PLXNB1: variants seen among roughly 807,000 people sequenced by gnomAD.
The protein encoded by PLXNB1 is plexin-B1.
A neutral mutation model predicts 209.4 loss-of-function variants in PLXNB1; 106 were observed. The observed-to-expected ratio is 0.51, with a 90% CI of 0.43 to 0.59. The LOEUF is 0.59. Among genes scored for constraint, PLXNB1 ranks in the 20% least tolerant of loss-of-function variants. The pLI is 0.00. For missense variants in PLXNB1, 2,357 were observed against 2,853.2 expected, an observed-to-expected ratio of 0.83 and a Z score of 3.96; for synonymous variants, 1,167 against 1,183.2, an observed-to-expected ratio of 0.99 and a Z score of 0.28.
Position 48,413,206 on chromosome 3 carries a change from G to T in PLXNB1, c.4536-37C>A. The T allele has an allele frequency of 1.3e-6, 2 of 1,521,832 alleles. No individual in the cohort carries two copies. Among genetic ancestry groups the T allele is most frequent in the Non-Finnish European group, 1.8e-6 (2 of 1,104,222 alleles). 94.3% of individuals were successfully genotyped at this position (1,521,832 alleles called of 1,614,324 possible). On this transcript the variant is annotated intron_variant, in intron 23 of 37. Coordinates refer to ENST00000296440, the MANE Select transcript of PLXNB1 (RefSeq NM_001130082.3). The surrounding 1 kb of genome is among the most constrained non-coding windows in gnomAD (Gnocchi z 5.4). ...CAGGGTCAGGAGAGGATGGCCAGAT[G>T]AGTCCTACTCGCCCAGGCCTGCCTG...
At position 48,418,774 on chromosome 3, in the gene PLXNB1, G is replaced by A; in HGVS notation, c.2955+143C>T. The A allele has an allele frequency of 9.1e-7, 1 of 1,100,550 alleles. No homozygotes were observed. The highest frequency in any genetic ancestry group is 1.3e-6 in the Non-Finnish European group (1 of 745,884). The allele number at this position is 1,100,550 out of a possible 1,614,324, so 68.2% of individuals were successfully genotyped here. A position where few individuals can be genotyped will look rare whatever the true frequency, so the allele number is the denominator to read the frequency against. Reference sequence around the variant, plus strand: ...GACTCCACGGGGCACATGGTCAGAGGTCAGAAATGGGTGTGGAGACTCCCT... The same window carrying A: ...GACTCCACGGGGCACATGGTCAGAGATCAGAAATGGGTGTGGAGACTCCCT... On this transcript the variant is annotated intron_variant, in intron 13 of 37. Transcript: ENST00000296440. This position sits in a 1 kb window ranked among gnomAD's most constrained non-coding sequence, Gnocchi z 6.6.
At chr3:48,424,892 TC>T (rs1560076835) in intron 2 of PLXNB1, among the ~76,000 whole-genome samples, 1 of 151,174 alleles carries the variant, frequency 6.6e-6, no homozygotes, top group Admixed American at 6.6e-5. Context: ...CCACTCACCA[TC>T]CCCCCAGATC....
chr3:48,412,069 C>T (rs375660378), intron 27 of PLXNB1, 60 bp from the exon 28 acceptor site: 25 of 1,582,946 alleles, frequency 1.6e-5, no homozygotes, highest in African/African-American at 1.2e-4. Flanking sequence ...TGGGACATGA[C>T]GCACACTGGG....
Position 48,418,426 on chromosome 3 carries a change from C to A in PLXNB1, c.3049+23G>T. 6.2e-7 allele frequency: 1 copy of A among 1,613,266 alleles called. No individual in the cohort carries two copies. The highest frequency in any genetic ancestry group is 1.7e-5 in the Admixed American group (1 of 59,990). ...GGAGAGCCCTGCTACCACCGCCAGC[C>A]CAGCAGCCCGCAGGTGGCTCACCAT... On this transcript the variant is annotated intron_variant, in intron 14 of 37. Transcript: ENST00000296440. This position sits in a 1 kb window ranked among gnomAD's most constrained non-coding sequence, Gnocchi z 6.6.
intron 8 of PLXNB1, 44 bp from the exon 9 acceptor site, chr3:48,421,000 G>A (rs770947957): frequency 3.7e-5 from 55 of 1,502,742 alleles, no homozygotes; most frequent in Non-Finnish European, 5.0e-5. Flanking sequence ...GCAAGGAGGT[G>A]CACTCAGACC....
In PLXNB1 at chr3:48,416,180, CAG is replaced by C; in HGVS notation, c.3481-15_3481-14del. 6.3e-7 allele frequency: 1 copy of C among 1,597,838 alleles called. No individual in the cohort carries two copies. The highest frequency in any genetic ancestry group is 8.5e-7 in the Non-Finnish European group (1 of 1,172,322). On this transcript the variant is annotated splice_polypyrimidine_tract_variant and intron_variant, in intron 17 of 37. Transcript: ENST00000296440. This position sits in a 1 kb window ranked among gnomAD's most constrained non-coding sequence, Gnocchi z 4.1. Reference sequence around the variant, plus strand: ...GGACCTTCGGATCCTGTGGGACAGACAGGGAGAGAGATGAGCATCAGACCAGA... The same window carrying C: ...GGACCTTCGGATCCTGTGGGACAGACGGAGAGAGATGAGCATCAGACCAGA...
At chr3:48,423,084 C>T (rs1320053147) in intron 3 of PLXNB1, 137 bp from the exon 4 acceptor site, 1 of 721,506 alleles carries the variant, frequency 1.4e-6, no homozygotes, top group East Asian at 2.7e-5. Context: ...TGCTGGCCCT[C>T]CTGGGACAAT....
In PLXNB1 at chr3:48,419,424, T is replaced by C; in HGVS notation, c.2710-58A>G. On this transcript the variant is annotated intron_variant, in intron 11 of 37. Coordinates refer to ENST00000296440, the MANE Select transcript of PLXNB1 (RefSeq NM_001130082.3). This position sits in a 1 kb window ranked among gnomAD's most constrained non-coding sequence, Gnocchi z 5.7. The stretch of plus-strand genomic sequence containing the variant: ...GCCCACCCTGCCCAGCTCAGCCCTC[T>C]GCCTTGCCAGATTCCAGAGGCAAGG... 6.6e-7 allele frequency: 1 copy of C among 1,518,632 alleles called. No individual in the cohort carries two copies. The highest frequency in any genetic ancestry group is 8.8e-7 in the Non-Finnish European group (1 of 1,130,594). The allele number at this position is 1,518,632 out of a possible 1,614,324, so 94.1% of individuals were successfully genotyped here.
chr3:48,412,153 C>G, intron 27 of PLXNB1, 85 bp downstream of exon 27: 2 of 1,501,336 alleles, frequency 1.3e-6, no homozygotes, highest in Non-Finnish European at 1.8e-6. Flanking sequence ...CACAAGTGTC[C>G]GAGCTGCATG....
In PLXNB1 at chr3:48,418,570, C is replaced by G; in HGVS notation, c.2956-28G>C. The G allele has an allele frequency of 6.5e-7, 1 of 1,546,120 alleles. No homozygotes were observed. The highest frequency in any genetic ancestry group is 8.8e-7 in the Non-Finnish European group (1 of 1,137,170). On this transcript the variant is annotated intron_variant, in intron 13 of 37. Transcript: ENST00000296440. This position sits in a 1 kb window ranked among gnomAD's most constrained non-coding sequence, Gnocchi z 6.6. The stretch of plus-strand genomic sequence containing the variant: ...GGAGAAATGGGAGTGGGTTCAGAGT[C>G]AAGCACTGGGGGAAGTGTCAGGCCT...
intron 34 of PLXNB1, 73 bp from the exon 35 acceptor site, chr3:48,407,164 C>A: frequency 7.3e-7 from 1 of 1,361,280 alleles, no homozygotes; most frequent in Non-Finnish European, 1.1e-6. Context: ...GATCAAGTGT[C>A]CTGGGTTTCC....
intron 2 of PLXNB1, 25 bp from the exon 3 acceptor site, chr3:48,424,642 G>T: frequency 6.5e-7 from 1 of 1,529,972 alleles, no homozygotes; most frequent in Non-Finnish European, 8.7e-7. Flanking sequence ...GGTCGAGAGA[G>T]TGGGGCTCAC....
chr3:48,410,039 G>A lies in PLXNB1; in HGVS notation c.5644C>T (p.Arg1882Trp), dbSNP rs757414293. The stretch of plus-strand genomic sequence containing the variant: ...CTTGGCTTCACCAGGTGCCAGGGCC[G>A]GATGCCCCCCTCATCTACATCCTCC... ...MLEDVDEGGI[R>W]PWHLVKPSDE... Residue 1882 changes from arginine to tryptophan, a missense_variant, in exon 32 of 38, where the codon CGG becomes TGG. Coordinates refer to ENST00000296440, the MANE Select transcript of PLXNB1 (RefSeq NM_001130082.3). This position sits in a 1 kb window ranked among gnomAD's most constrained non-coding sequence, Gnocchi z 6.4. 76 of 1,608,722 alleles carry A rather than the reference G, an allele frequency of 4.7e-5. No individual in the cohort carries two copies. The highest frequency in any genetic ancestry group is 1.6e-4 in the Middle Eastern group (1 of 6,070).
chr3:48,408,806 CCCT>C (rs2037469467), intron 34 of PLXNB1, among the ~76,000 whole-genome samples: 1 of 152,132 alleles, frequency 6.6e-6, no homozygotes, highest in Admixed American at 6.5e-5. Context: ...TGTGTGACTC[CCCT>C]CCTTCTTCCT....
chr3:48,419,071 T>G lies in PLXNB1; in HGVS notation c.2833-32A>C, dbSNP rs1310088339. ...GCAGAGAACACAGCTGTTGGGCAGCTTCAGGAGCTGGGCCCAGGGAGTCCT... is the reference window on the plus strand; with the variant it reads ...GCAGAGAACACAGCTGTTGGGCAGCGTCAGGAGCTGGGCCCAGGGAGTCCT... On this transcript the variant is annotated intron_variant, in intron 12 of 37. Transcript: ENST00000296440. This position sits in a 1 kb window ranked among gnomAD's most constrained non-coding sequence, Gnocchi z 5.7. 3 of 1,610,134 alleles carry G rather than the reference T, an allele frequency of 1.9e-6. No individual in the cohort carries two copies. The South Asian group carries it at 3.3e-5, about 18-fold the overall frequency.
chr3:48,427,914 T>C (rs1201024375), intron 1 of PLXNB1, among the ~76,000 whole-genome samples: 2 of 152,194 alleles, frequency 1.3e-5, no homozygotes, highest in Non-Finnish European at 2.9e-5. Flanking sequence ...TTCCTAGTTG[T>C]ACAATGGGAG....
rs984148790 is a variant in PLXNB1 at position 48,424,601 on chromosome 3, A to C, written c.11T>G (p.Leu4Arg). 2 of 1,538,516 alleles carry C rather than the reference A, an allele frequency of 1.3e-6. No homozygotes were observed. The highest frequency in any genetic ancestry group is 1.7e-6 in the Non-Finnish European group (2 of 1,147,122). The change falls in exon 3 of 38, where the codon CTG becomes CGG. Residue 4 changes from leucine to arginine, a missense_variant. By Grantham distance (102) the Leu-to-Arg change is moderately radical (BLOSUM62 -2). Coordinates refer to ENST00000296440, the MANE Select transcript of PLXNB1 (RefSeq NM_001130082.3). MPA[L>R]GPALLQALWA... Reference sequence around the variant, plus strand: ...GAGAGCCTGGAGAAGAGCTGGGCCCAGAGCAGGCATGGTCACCTGGCAGGA... The same window carrying C: ...GAGAGCCTGGAGAAGAGCTGGGCCCCGAGCAGGCATGGTCACCTGGCAGGA...
rs764376098 is a variant in PLXNB1 at position 48,404,484 on chromosome 3, T to C, written c.*2A>G. On this transcript the variant is annotated 3_prime_UTR_variant, in exon 38 of 38. Coordinates refer to ENST00000296440, the MANE Select transcript of PLXNB1 (RefSeq NM_001130082.3). ...CAACAGCAGGCCGTGGCTCCTGGGT[T>C]CCTATAGATCTGTGACCTTGTTTTC... is the stretch of plus-strand genomic sequence containing the variant. 4.9e-5 allele frequency: 79 copies of C among 1,604,142 alleles called. No homozygotes were observed. In the South Asian group the frequency reaches 8.4e-4, roughly 17 times the overall value.
Position 48,420,260 on chromosome 3 carries a change from G to A in PLXNB1, c.2029-3C>T. 1 of 1,533,526 alleles carries A rather than the reference G, an allele frequency of 6.5e-7. No homozygotes were observed. 95.0% of individuals were successfully genotyped at this position (1,533,526 alleles called of 1,614,324 possible). A position where few individuals can be genotyped will look rare whatever the true frequency, so the allele number is the denominator to read the frequency against. ...GGGTCTGGGGAGACAAGCGGGCTCT[G>A]AAGGGGGAGGCAGAGGAAGACAGGA... On this transcript the variant is annotated splice_region_variant and splice_polypyrimidine_tract_variant and intron_variant, in intron 10 of 37. Coordinates refer to ENST00000296440, the MANE Select transcript of PLXNB1 (RefSeq NM_001130082.3).
Sources: allele counts gnomAD v4.1 joint callset (sites outside exome capture counted in the v4.1 genomes callset), GRCh38; gene constraint gnomAD v4.1.1; non-coding constraint Gnocchi (gnomAD v3.1); transcripts MANE v1.5; gene names NCBI Gene and HGNC (gene_info 2026-07-23, HGNC 2026-07-21).